SH3GL3: variants seen among roughly 807,000 people sequenced by gnomAD.
SH3GL3 encodes the protein SH3 domain containing GRB2 like 3, endophilin A3, also known as endophilin-A3.
In SH3GL3, 33 loss-of-function variants were observed where a neutral mutation model predicts 47.7. That is an observed-to-expected ratio of 0.69 (90% CI 0.52 to 0.92). SH3GL3 has a LOEUF of 0.92. Ranked by LOEUF, SH3GL3 falls within the 40% of genes least tolerant of loss-of-function variation. The pLI is 0.00. For synonymous variants in SH3GL3, 155 were observed against 148.8 expected (o/e 1.04, Z -0.30); for missense variants, 363 against 417.8 (o/e 0.87, Z 1.14).
At chr15:83,612,922 G>T (rs1041454135) in intron 8 of SH3GL3, among the ~76,000 whole-genome samples, 2 of 152,248 alleles carry the variant, frequency 1.3e-5, no homozygotes, top group Admixed American at 6.5e-5. Context: ...AAAAGCCTTG[G>T]CTTTCACAAT....
chr15:83,543,541 T>G (rs927584346), intron 1 of SH3GL3, among the ~76,000 whole-genome samples: 3 of 152,226 alleles, frequency 2.0e-5, no homozygotes, highest in African/African-American at 7.2e-5. Flanking sequence ...TCTTCCCTCC[T>G]CCTCTATTTT....
chr15:83,534,443 C>A (rs775382098), intron 1 of SH3GL3, among the ~76,000 whole-genome samples: 2 of 152,016 alleles, frequency 1.3e-5, no homozygotes, highest in Admixed American at 1.3e-4. Context: ...TGGCTTAGGC[C>A]GAAAGATTCG....
rs547245438 is a variant in SH3GL3, at chr15:83,565,308, G to A, written c.187+102G>A. 1.1e-5 allele frequency: 8 copies of A among 757,246 alleles called. No individual in the cohort carries two copies. The South Asian group carries it at 1.2e-4, about 12-fold the overall frequency. The allele number at this position is 757,246 out of a possible 1,614,324, so 46.9% of individuals were successfully genotyped here. On this transcript the variant is annotated intron_variant, in intron 3 of 8. Transcript: ENST00000427482. ...ATAATGTAGAAACAATGTCGTCTGTGTCCCAATAATGAAATTCAGTTTTTA... is the reference window on the plus strand; with the variant it reads ...ATAATGTAGAAACAATGTCGTCTGTATCCCAATAATGAAATTCAGTTTTTA...
intron 6 of SH3GL3, among the ~76,000 whole-genome samples, chr15:83,584,568 C>T (rs934367628): frequency 2.0e-5 from 3 of 152,178 alleles, no homozygotes; most frequent in African/African-American, 7.2e-5. Flanking sequence ...CCTGTGCCTC[C>T]TTGACCTCTA....
chr15:83,466,079 C>T (rs1446837287), intron 1 of SH3GL3, among the ~76,000 whole-genome samples: 1 of 152,142 alleles, frequency 6.6e-6, no homozygotes, highest in Non-Finnish European at 1.5e-5. Flanking sequence ...CTATTTTTTT[C>T]TTCATTTCTA....
chr15:83,490,178 G>T (rs2041815367), intron 1 of SH3GL3, among the ~76,000 whole-genome samples: 2 of 152,090 alleles, frequency 1.3e-5, no homozygotes, highest in South Asian at 4.1e-4. Context: ...CTCCGCTCTT[G>T]GCGTCTGGAC....
the SH3GL3 span, among the ~76,000 whole-genome samples, chr15:83,624,290 A>G: frequency 2.0e-5 from 3 of 152,274 alleles, no homozygotes; most frequent in East Asian, 3.9e-4. Flanking sequence ...GCCCCAGTGT[A>G]TAACTGGGTT....
chr15:83,616,623 A>G (rs2060826253), intron 8 of SH3GL3, among the ~76,000 whole-genome samples: 1 of 152,214 alleles, frequency 6.6e-6, no homozygotes, highest in African/African-American at 2.4e-5. Context: ...TTCATGTTCT[A>G]TGACCATGAA....
At chr15:83,602,298 T>C (rs2060406582) in intron 8 of SH3GL3, among the ~76,000 whole-genome samples, 1 of 152,234 alleles carries the variant, frequency 6.6e-6, no homozygotes, top group South Asian at 2.1e-4. Context: ...TGCTATCCAG[T>C]TGTAATGGCA....
At chr15:83,481,321 A>G (rs1229928246) in intron 1 of SH3GL3, among the ~76,000 whole-genome samples, 1 of 151,816 alleles carries the variant, frequency 6.6e-6, no homozygotes, top group Admixed American at 6.6e-5. Context: ...CAGGGAGCGG[A>G]AACATGCTGA....
At chr15:83,534,004 C>T (rs1405089197) in intron 1 of SH3GL3, among the ~76,000 whole-genome samples, 1 of 152,166 alleles carries the variant, frequency 6.6e-6, no homozygotes, top group Non-Finnish European at 1.5e-5. Flanking sequence ...GTTTACCAGG[C>T]TTTGATCTGC....
chr15:83,571,391 A>G (rs890986734), intron 4 of SH3GL3, among the ~76,000 whole-genome samples: 1 of 152,192 alleles, frequency 6.6e-6, no homozygotes, highest in African/African-American at 2.4e-5. Context: ...AAGAGTCCAC[A>G]GGCTAGGAAG....
At chr15:83,490,562 C>T (rs1165238741) in intron 1 of SH3GL3, among the ~76,000 whole-genome samples, 1 of 152,004 alleles carries the variant, frequency 6.6e-6, no homozygotes, top group Non-Finnish European at 1.5e-5. Flanking sequence ...TTTTCTTGGC[C>T]CTGAAGTGAT....
At chr15:83,534,609 A>G (rs1247694991) in intron 1 of SH3GL3, among the ~76,000 whole-genome samples, 1 of 152,228 alleles carries the variant, frequency 6.6e-6, no homozygotes, top group Admixed American at 6.5e-5. Flanking sequence ...AGAAAAATGA[A>G]TAAAATTTAA....
intron 1 of SH3GL3, among the ~76,000 whole-genome samples, chr15:83,508,381 G>A (rs1403350799): frequency 6.6e-6 from 1 of 151,986 alleles, no homozygotes. Context: ...CTGTGCAAAG[G>A]CCTTAGAAAC....
At chr15:83,463,432 G>T (rs563052550) in intron 1 of SH3GL3, among the ~76,000 whole-genome samples, 30 of 152,060 alleles carry the variant, frequency 2.0e-4, no homozygotes, top group Non-Finnish European at 3.5e-4. Flanking sequence ...TCTCCTCTTT[G>T]GGTGTATCTG....
chr15:83,502,947 C>T (rs945518286), intron 1 of SH3GL3, among the ~76,000 whole-genome samples: 10 of 152,100 alleles, frequency 6.6e-5, no homozygotes, highest in Admixed American at 2.0e-4. Context: ...CTTGAAAGAA[C>T]CTAACTTCTA....
chr15:83,482,399 G>C (rs925061865), intron 1 of SH3GL3, among the ~76,000 whole-genome samples: 1 of 151,572 alleles, frequency 6.6e-6, no homozygotes, highest in African/African-American at 2.4e-5. Context: ...TTTCTATACC[G>C]GTGGAAATCT....
chr15:83,590,019 T>C (rs1050376253), intron 8 of SH3GL3, among the ~76,000 whole-genome samples: 4 of 152,206 alleles, frequency 2.6e-5, no homozygotes, highest in African/African-American at 7.2e-5. Flanking sequence ...ATTTTCATGA[T>C]TATTAGTGAG....
Sources: gnomAD v4.1 joint callset for allele counts (sites outside exome capture counted in the v4.1 genomes callset) on GRCh38, gnomAD v4.1.1 for gene constraint, MANE v1.5 for transcripts, NCBI Gene and HGNC (gene_info 2026-07-23, HGNC 2026-07-21) for gene names.